The following PPFIBP1 variants were observed in gnomAD, a reference collection of about 807,000 sequenced individuals.
The protein encoded by PPFIBP1 is liprin-beta-1.
A neutral mutation model predicts 137.8 loss-of-function variants in PPFIBP1; 112 were observed. The ratio of observed to expected loss-of-function variants is 0.81; its 90% CI spans 0.70 to 0.95. The LOEUF is 0.95. Ranked by LOEUF, PPFIBP1 falls within the 40% of genes least tolerant of loss-of-function variation. The probability of loss-of-function intolerance (pLI) is 0.00; values close to 1 mark genes in which losing one functional copy is unlikely to be tolerated. For missense variants in PPFIBP1, 1,083 were observed against 1,196.6 expected (o/e 0.91, Z 1.40); for synonymous variants, 378 against 417.3 (o/e 0.91, Z 1.15).
intron 1 of PPFIBP1, among the ~76,000 whole-genome samples, chr12:27,550,991 A>ATATATATATAT (rs375148048): frequency 1.5e-5 from 2 of 136,714 alleles, no homozygotes; most frequent in African/African-American, 5.6e-5. Flanking sequence ...ATATATATAT[A>ATATATATATAT]TTTTTTTTTT....
intron 1 of PPFIBP1, among the ~76,000 whole-genome samples, chr12:27,541,203 A>T (rs1179196347): frequency 6.6e-6 from 1 of 151,874 alleles, no homozygotes; most frequent in Non-Finnish European, 1.5e-5. Flanking sequence ...TGAAGTGCTT[A>T]TGGGCACCCA....
Position 27,693,388 on chromosome 12 carries a change from T to C in PPFIBP1, c.*506T>C, listed in dbSNP as rs549000222. On this transcript the variant is annotated 3_prime_UTR_variant, in exon 30 of 30. Coordinates refer to ENST00000228425, the MANE Select transcript of PPFIBP1 (RefSeq NM_003622.4). ...TTATTTTTATATATTTTTCTAAATA[T>C]ATGTATATATACAGTACATAGAAAA... 6.5e-6 allele frequency: 1 copy of C among 153,376 alleles called. No individual in the cohort carries two copies. Among genetic ancestry groups the C allele is most frequent in the East Asian group, 1.9e-4 (1 of 5,192 alleles). 9.5% of individuals were successfully genotyped at this position (153,376 alleles called of 1,614,324 possible). A position where few individuals can be genotyped will look rare whatever the true frequency, so the allele number is the denominator to read the frequency against.
chr12:27,646,003 A>G (rs1565929872), intron 4 of PPFIBP1, 59 bp from the exon 5 acceptor site: 12 of 1,262,780 alleles, frequency 9.5e-6, no homozygotes, highest in Admixed American at 3.5e-5. Context: ...ATTTTCATTT[A>G]TCTACGATAT....
intron 18 of PPFIBP1, 132 bp from the exon 19 acceptor site, chr12:27,676,932 C>T (rs2060550957): frequency 1.8e-6 from 2 of 1,137,048 alleles, no homozygotes; most frequent in Non-Finnish European, 1.3e-6. Flanking sequence ...ATCAGAAGCA[C>T]TGTGTGCCGC....
chr12:27,592,146 G>T lies in PPFIBP1; in HGVS notation c.-36+13907G>T, dbSNP rs575635068. ...AGGAGGTTGTGTCCTCACAGGGGGT[G>T]TCCTCACACGGGAAATAGCCCGCAG... On this transcript the variant is annotated intron_variant, in intron 2 of 29. Coordinates refer to ENST00000228425, the MANE Select transcript of PPFIBP1 (RefSeq NM_003622.4). 2.0e-5 allele frequency among the ~76,000 whole-genome samples: 3 copies of T among 152,320 alleles called. No individual in the cohort carries two copies. The South Asian group carries it at 6.2e-4, about 32-fold the overall frequency.
intron 1 of PPFIBP1, among the ~76,000 whole-genome samples, chr12:27,544,450 A>G (rs1267404018): frequency 1.3e-5 from 2 of 152,374 alleles, no homozygotes; most frequent in Non-Finnish European, 2.9e-5. Flanking sequence ...CGGAGTGAAC[A>G]GGCAGCCTAC....
intron 4 of PPFIBP1, among the ~76,000 whole-genome samples, chr12:27,640,128 T>G: frequency 6.6e-6 from 1 of 152,314 alleles, no homozygotes; most frequent in Middle Eastern, 3.4e-3. Flanking sequence ...CCACAGAAAG[T>G]GTTCACAGAC....
At chr12:27,530,855 A>G (rs922226958) in intron 1 of PPFIBP1, among the ~76,000 whole-genome samples, 1 of 152,216 alleles carries the variant, frequency 6.6e-6, no homozygotes, top group African/African-American at 2.4e-5. Flanking sequence ...TAAGCAGGCC[A>G]TCGCGTGACC....
intron 2 of PPFIBP1, among the ~76,000 whole-genome samples, chr12:27,598,211 A>G (rs2137606751): frequency 6.6e-6 from 1 of 152,324 alleles, no homozygotes; most frequent in African/African-American, 2.4e-5. Context: ...TGGGTAATGA[A>G]TAAAGAAAAA....
chr12:27,671,667 T>C (rs570112379), intron 14 of PPFIBP1, 121 bp downstream of exon 14: 3 of 589,926 alleles, frequency 5.1e-6, no homozygotes, highest in East Asian at 3.1e-5. Flanking sequence ...AACTGCAAGA[T>C]GTCCACTGGG....
At chr12:27,613,997 A>G (rs1473832882) in intron 2 of PPFIBP1, among the ~76,000 whole-genome samples, 1 of 152,116 alleles carries the variant, frequency 6.6e-6, no homozygotes, top group Non-Finnish European at 1.5e-5. Context: ...CTACTCTAGG[A>G]CTAATCTCTC....
chr12:27,658,597 G>T (rs2059356977), intron 9 of PPFIBP1, among the ~76,000 whole-genome samples: 1 of 152,210 alleles, frequency 6.6e-6, no homozygotes, highest in South Asian at 2.1e-4. Flanking sequence ...AAGTGACAGA[G>T]GTAGTAACTC....
chr12:27,544,147 G>C (rs1312387373), intron 1 of PPFIBP1, among the ~76,000 whole-genome samples: 1 of 152,092 alleles, frequency 6.6e-6, no homozygotes, highest in Non-Finnish European at 1.5e-5. Context: ...CTCCCAAAGT[G>C]CTGAAATTAT....
At chr12:27,620,611 G>T in intron 2 of PPFIBP1, among the ~76,000 whole-genome samples, 1 of 151,956 alleles carries the variant, frequency 6.6e-6, no homozygotes, top group African/African-American at 2.4e-5. Flanking sequence ...AAGAGGATGC[G>T]CTCTGCTGCC....
chr12:27,564,018 G>A (rs572361420), intron 1 of PPFIBP1, among the ~76,000 whole-genome samples: 28 of 152,094 alleles, frequency 1.8e-4, no homozygotes, highest in Admixed American at 4.6e-4. Context: ...GACTACAGGT[G>A]CGTGCCACCA....
At chr12:27,605,178 G>T (rs1487437761) in intron 2 of PPFIBP1, among the ~76,000 whole-genome samples, 1 of 152,180 alleles carries the variant, frequency 6.6e-6, no homozygotes, top group African/African-American at 2.4e-5. Context: ...AATGACATTG[G>T]TTAATGAAAA....
chr12:27,679,755 G>T, intron 20 of PPFIBP1, 116 bp downstream of exon 20: 2 of 1,405,062 alleles, frequency 1.4e-6, no homozygotes, highest in Non-Finnish European at 1.9e-6. Context: ...AAGGAAGTTT[G>T]GATTGTGATG....
intron 2 of PPFIBP1, among the ~76,000 whole-genome samples, chr12:27,588,013 C>A (rs2137169743): frequency 6.6e-6 from 1 of 152,202 alleles, no homozygotes; most frequent in Admixed American, 6.5e-5. Context: ...TTTTGTGTTT[C>A]ATGATGTTAA....
chr12:27,531,304 T>A (rs1944387451), intron 1 of PPFIBP1, among the ~76,000 whole-genome samples: 1 of 151,328 alleles, frequency 6.6e-6, no homozygotes, highest in Non-Finnish European at 1.5e-5. Flanking sequence ...ATTATTATTA[T>A]TTTTTTTTGA....
Sources: gnomAD v4.1 joint callset for allele counts (sites outside exome capture counted in the v4.1 genomes callset) on GRCh38, gnomAD v4.1.1 for gene constraint, MANE v1.5 for transcripts, NCBI Gene and HGNC (gene_info 2026-07-23, HGNC 2026-07-21) for gene names.